The following MCC variants were observed in gnomAD, a reference collection of about 807,000 sequenced individuals.
MCC encodes the protein colorectal mutant cancer protein.
In MCC, 90 loss-of-function variants were observed where a neutral mutation model predicts 116.2. That is an observed-to-expected ratio of 0.77 (90% CI 0.65 to 0.92). The LOEUF is 0.92. MCC is among the 40% of genes least tolerant of loss of function. The pLI, the probability that MCC is intolerant of heterozygous loss-of-function variation, is 0.00. For synonymous variants in MCC, 578 were observed against 510.5 expected (o/e 1.13, Z -1.78); for missense variants, 1,516 against 1,312.2 (o/e 1.16, Z -2.40).
chr5:113,114,275 G>T (rs1223915145), intron 6 of MCC, among the ~76,000 whole-genome samples: 1 of 152,192 alleles, frequency 6.6e-6, no homozygotes, highest in African/African-American at 2.4e-5. Flanking sequence ...TAGGCAAGAA[G>T]GTCTCACAAG....
chr5:113,079,476 C>T (rs1754692219), intron 11 of MCC, among the ~76,000 whole-genome samples: 2 of 152,120 alleles, frequency 1.3e-5, no homozygotes, highest in Admixed American at 1.3e-4. Flanking sequence ...ACCAATGGAA[C>T]AGAATAGAGC....
At chr5:113,072,629 T>C (rs1290153036) in intron 11 of MCC, among the ~76,000 whole-genome samples, 3 of 152,202 alleles carry the variant, frequency 2.0e-5, no homozygotes, top group Non-Finnish European at 2.9e-5. Flanking sequence ...CTAGCGGCTA[T>C]TTCCTCTCAG....
At chr5:113,108,326 T>A (rs1756869045) in intron 6 of MCC, among the ~76,000 whole-genome samples, 1 of 77,196 alleles carries the variant, frequency 1.3e-5, no homozygotes. Context: ...CGCAACACTC[T>A]ATCTTAAAAA....
intron 1 of MCC, among the ~76,000 whole-genome samples, chr5:113,445,489 C>G (rs1344341009): frequency 6.6e-6 from 1 of 152,062 alleles, no homozygotes; most frequent in Non-Finnish European, 1.5e-5. Flanking sequence ...AGAACACAAT[C>G]CCATTTATAA....
chr5:113,224,458 T>C (rs1763661994), intron 3 of MCC, among the ~76,000 whole-genome samples: 1 of 152,210 alleles, frequency 6.6e-6, no homozygotes, highest in African/African-American at 2.4e-5. Flanking sequence ...AAAGTCTGAA[T>C]TGGAGGGGCC....
At chr5:113,371,717 C>T (rs541226680) in intron 2 of MCC, among the ~76,000 whole-genome samples, 3 of 152,290 alleles carry the variant, frequency 2.0e-5, no homozygotes, top group African/African-American at 7.2e-5. Context: ...ATACACAAAA[C>T]ATTAGTTAAA....
chr5:113,269,101 T>A, intron 3 of MCC: 1 of 873,834 alleles, frequency 1.1e-6, no homozygotes, highest in Non-Finnish European at 1.4e-6. Context: ...AAGACAGGGA[T>A]GAAGGAAATA....
intron 2 of MCC, among the ~76,000 whole-genome samples, chr5:113,363,449 G>T (rs904767570): frequency 6.6e-6 from 1 of 152,158 alleles, no homozygotes; most frequent in Non-Finnish European, 1.5e-5. Context: ...GGCAAAGGGG[G>T]AGCCAGCACT....
chr5:113,231,475 CA>C (rs1763939336), intron 3 of MCC, among the ~76,000 whole-genome samples: 2 of 152,106 alleles, frequency 1.3e-5, no homozygotes, highest in Admixed American at 1.3e-4. Context: ...GCTATTTAGC[CA>C]GATCACAACT....
intron 1 of MCC, among the ~76,000 whole-genome samples, chr5:113,425,702 C>T (rs960954261): frequency 6.6e-6 from 1 of 151,844 alleles, no homozygotes; most frequent in Non-Finnish European, 1.5e-5. Flanking sequence ...TAGAAGCAAA[C>T]GTGAGAAGAA....
At chr5:113,400,523 A>T (rs188664631) in intron 1 of MCC, among the ~76,000 whole-genome samples, 6 of 152,326 alleles carry the variant, frequency 3.9e-5, no homozygotes, top group Admixed American at 2.6e-4. Context: ...AAATCAGTAA[A>T]TTAACATTTG....
chr5:113,224,633 A>C (rs1012850378), intron 3 of MCC, among the ~76,000 whole-genome samples: 17 of 152,150 alleles, frequency 1.1e-4, no homozygotes, highest in Non-Finnish European at 2.2e-4. Flanking sequence ...GTAAATTCCA[A>C]AAGTATCACC....
rs752318366 is a variant in MCC at position 113,122,699 on chromosome 5, C to A, written c.1012G>T (p.Val338Phe). The A allele has an allele frequency of 1.2e-6, 2 of 1,614,144 alleles. No homozygotes were observed. Among genetic ancestry groups the A allele is most frequent in the Non-Finnish European group, 1.7e-6 (2 of 1,180,012 alleles). The change falls in exon 6 of 19, where the codon GTT (valine) becomes TTT (phenylalanine). Residue 338 changes from valine (V) to phenylalanine (F), a missense_variant. By Grantham distance (50) the Val-to-Phe change is conservative (BLOSUM62 -1). Transcript: ENST00000408903. ...VSIPENQSTM[V>F]TADMDNCSDL... The stretch of plus-strand genomic sequence containing the variant: ...GCAGACTCACCCATGTCAGCAGTAA[C>A]CATGGTAGACTGGTTTTCGGGGATA...
At chr5:113,321,355 T>C (rs1767418369) in intron 3 of MCC, among the ~76,000 whole-genome samples, 1 of 152,220 alleles carries the variant, frequency 6.6e-6, no homozygotes, top group South Asian at 2.1e-4. Flanking sequence ...CCCCAATTTT[T>C]AGATCTTGGT....
chr5:113,272,008 G>A (rs1463416770), intron 3 of MCC, among the ~76,000 whole-genome samples: 1 of 152,130 alleles, frequency 6.6e-6, no homozygotes, highest in East Asian at 1.9e-4. Context: ...AAGAATATTT[G>A]CATAATCAAA....
At chr5:113,053,273 G>A (rs932172356) in intron 15 of MCC, among the ~76,000 whole-genome samples, 3 of 152,150 alleles carry the variant, frequency 2.0e-5, no homozygotes, top group Non-Finnish European at 2.9e-5. Flanking sequence ...GAGCAGGCTC[G>A]ACATTGCACC....
In MCC at chr5:113,402,314, C is replaced by CATT. The variant is rs367813775; in HGVS notation, c.171-17103_171-17102insAAT. 1.1e-3 allele frequency among the ~76,000 whole-genome samples: 157 copies of CATT among 137,422 alleles called. 1 individual carries two copies. The highest frequency in any genetic ancestry group is 1.4e-3 in the East Asian group (7 of 4,906). The allele number at this position is 137,422 out of a possible 152,430, so 90.2% of individuals were successfully genotyped here. ...GTCTCAAAAAAAAAAAAAAAAAACA[C>CATT]ACTCAGCTAATTTTTTTAATTCTGT... On this transcript the variant is annotated intron_variant, in intron 1 of 18. Transcript: ENST00000408903.
chr5:113,426,181 T>G (rs1392539440), intron 1 of MCC, among the ~76,000 whole-genome samples: 1 of 152,070 alleles, frequency 6.6e-6, no homozygotes, highest in African/African-American at 2.4e-5. Context: ...AAGCAGATGC[T>G]GGGCCCCAGG....
intron 1 of MCC, among the ~76,000 whole-genome samples, chr5:113,487,926 G>T (rs1253043920): frequency 6.6e-6 from 1 of 152,156 alleles, no homozygotes; most frequent in Non-Finnish European, 1.5e-5. Context: ...TGGGACAAGC[G>T]GCCAGAACTC....
Sources: allele counts gnomAD v4.1 joint callset (sites outside exome capture counted in the v4.1 genomes callset), GRCh38; gene constraint gnomAD v4.1.1; transcripts MANE v1.5; gene names NCBI Gene and HGNC (gene_info 2026-07-23, HGNC 2026-07-21).